The following REC114 variants were observed in gnomAD, a reference collection of about 807,000 sequenced individuals.
REC114 encodes the protein meiotic recombination protein REC114.
REC114 carries 27 observed loss-of-function variants against 31.3 expected under a neutral mutation model. The ratio of observed to expected loss-of-function variants is 0.86; its 90% CI spans 0.64 to 1.19. REC114 has a LOEUF of 1.19. REC114 is among the 50% of genes most tolerant of loss of function. The pLI, the probability that REC114 is intolerant of heterozygous loss-of-function variation, is 0.00. For synonymous variants in REC114, 134 were observed against 127.7 expected, an observed-to-expected ratio of 1.05 and a Z score of -0.33; for missense variants, 344 against 326.9, an observed-to-expected ratio of 1.05 and a Z score of -0.40.
intron 1 of REC114, among the ~76,000 whole-genome samples, chr15:73,472,769 G>C (rs1408306147): frequency 6.6e-6 from 1 of 152,060 alleles, no homozygotes; most frequent in African/African-American, 2.4e-5. Context: ...TATCTCGATA[G>C]GTTGGAACTA....
intron 2 of REC114, among the ~76,000 whole-genome samples, chr15:73,523,404 T>C (rs572099684): frequency 1.3e-5 from 2 of 152,120 alleles, no homozygotes; most frequent in African/African-American, 4.8e-5. Flanking sequence ...TGTGCCTTAT[T>C]GGAACACAGT....
Position 73,558,392 on chromosome 15 carries a change from G to A in REC114, c.637-1360G>A, listed in dbSNP as rs556560489. Among the ~76,000 whole-genome samples, 15 of 152,304 alleles carry A rather than the reference G, an allele frequency of 9.8e-5. 1 individual carries two copies. The East Asian group carries it at 2.7e-3, about 27-fold the overall frequency. On this transcript the variant is annotated intron_variant, in intron 5 of 5. Coordinates refer to ENST00000331090, the MANE Select transcript of REC114 (RefSeq NM_001042367.2). ...CCACACAGAACTGGAGCCCATCATCGTCATGTGGGACTGTGGATCCGGTGT... is the reference window on the plus strand; with the variant it reads ...CCACACAGAACTGGAGCCCATCATCATCATGTGGGACTGTGGATCCGGTGT...
At chr15:73,467,705 A>G (rs982204238) in intron 1 of REC114, among the ~76,000 whole-genome samples, 11 of 152,162 alleles carry the variant, frequency 7.2e-5, no homozygotes, top group Non-Finnish European at 1.3e-4. Flanking sequence ...TTGGGATTGG[A>G]TAGATCAACT....
At chr15:73,458,930 C>G (rs540963091) in intron 1 of REC114, among the ~76,000 whole-genome samples, 1 of 152,344 alleles carries the variant, frequency 6.6e-6, no homozygotes, top group African/African-American at 2.4e-5. Flanking sequence ...TGGAGGGTAA[C>G]TGGCAGTCTG....
At chr15:73,477,521 G>T (rs528113329) in intron 2 of REC114, among the ~76,000 whole-genome samples, 173 of 152,154 alleles carry the variant, frequency 1.1e-3, no homozygotes, top group African/African-American at 3.9e-3. Flanking sequence ...GGCTCAAGTA[G>T]TCCTCCCATC....
chr15:73,464,025 A>C (rs1029866114), intron 1 of REC114, among the ~76,000 whole-genome samples: 10 of 152,040 alleles, frequency 6.6e-5, no homozygotes, highest in Non-Finnish European at 1.3e-4. Context: ...GCAGTTGTAG[A>C]ATATTTCATT....
chr15:73,491,724 C>T (rs535554474), intron 2 of REC114, among the ~76,000 whole-genome samples: 2 of 152,152 alleles, frequency 1.3e-5, no homozygotes, highest in East Asian at 3.9e-4. Flanking sequence ...ATAGTGAAAC[C>T]TTGTCTCTAC....
At chr15:73,518,463 CTCCTCCT>C (rs1436173013) in intron 2 of REC114, among the ~76,000 whole-genome samples, 1 of 152,242 alleles carries the variant, frequency 6.6e-6, no homozygotes, top group African/African-American at 2.4e-5. Flanking sequence ...GGAAAGAGAG[CTCCTCCT>C]TCCTAGTTCT....
At chr15:73,501,617 G>A (rs1417590519) in intron 2 of REC114, among the ~76,000 whole-genome samples, 2 of 152,102 alleles carry the variant, frequency 1.3e-5, no homozygotes, top group Admixed American at 1.3e-4. Flanking sequence ...GCTAATTTTT[G>A]TATTTTTAGT....
chr15:73,537,782 A>G (rs1894177719), intron 2 of REC114, among the ~76,000 whole-genome samples: 1 of 152,232 alleles, frequency 6.6e-6, no homozygotes, highest in Non-Finnish European at 1.5e-5. Context: ...AGAGCAATGT[A>G]AAAAGGCATA....
intron 2 of REC114, among the ~76,000 whole-genome samples, chr15:73,517,981 A>G (rs564227512): frequency 3.9e-5 from 6 of 152,330 alleles, no homozygotes; most frequent in Admixed American, 6.5e-5. Context: ...AAGCCAAGAC[A>G]AATGTTTCAC....
At chr15:73,502,192 G>A (rs1355708268) in intron 2 of REC114, among the ~76,000 whole-genome samples, 2 of 151,660 alleles carry the variant, frequency 1.3e-5, no homozygotes, top group Admixed American at 1.3e-4. Context: ...AGGAATTTTA[G>A]ATACAGAATG....
At chr15:73,454,006 A>G (rs1892885710) in intron 1 of REC114, among the ~76,000 whole-genome samples, 1 of 152,122 alleles carries the variant, frequency 6.6e-6, no homozygotes, top group Non-Finnish European at 1.5e-5. Flanking sequence ...ATTAGGATAA[A>G]TACCTAATGT....
intron 1 of REC114, among the ~76,000 whole-genome samples, chr15:73,446,596 T>C (rs1892767840): frequency 6.6e-6 from 1 of 150,760 alleles, no homozygotes; most frequent in Admixed American, 6.6e-5. Context: ...GCTGAGATCG[T>C]GGCACTGCAC....
chr15:73,486,421 T>C (rs1483723688), intron 2 of REC114, among the ~76,000 whole-genome samples: 1 of 152,160 alleles, frequency 6.6e-6, no homozygotes, highest in African/African-American at 2.4e-5. Context: ...TCTTCCTGGC[T>C]TTTCAGCTCC....
chr15:73,505,702 T>G (rs1052472496), intron 2 of REC114, among the ~76,000 whole-genome samples: 8 of 152,144 alleles, frequency 5.3e-5, no homozygotes, highest in Admixed American at 5.2e-4. Flanking sequence ...CGGCTAATTT[T>G]TTGTATGTTT....
chr15:73,532,257 A>G (rs1396753290), intron 2 of REC114, among the ~76,000 whole-genome samples: 4 of 149,642 alleles, frequency 2.7e-5, no homozygotes, highest in Non-Finnish European at 5.9e-5. Flanking sequence ...TTCTTGCGAT[A>G]GTTTACTGAG....
At chr15:73,464,919 TCTCA>T (rs1256701965) in intron 1 of REC114, among the ~76,000 whole-genome samples, 1 of 151,876 alleles carries the variant, frequency 6.6e-6, no homozygotes, top group African/African-American at 2.4e-5. Flanking sequence ...TGAGATGGAG[TCTCA>T]CTGTGTTGCC....
chr15:73,506,142 C>T (rs924886161), intron 2 of REC114, among the ~76,000 whole-genome samples: 2 of 151,876 alleles, frequency 1.3e-5, no homozygotes, highest in Non-Finnish European at 2.9e-5. Context: ...GGAATAGGCT[C>T]CATAAATGAA....
Sources: allele counts gnomAD v4.1 joint callset (sites outside exome capture counted in the v4.1 genomes callset), GRCh38; gene constraint gnomAD v4.1.1; transcripts MANE v1.5; gene names NCBI Gene and HGNC (gene_info 2026-07-23, HGNC 2026-07-21).